The following RBFOX3 variants were observed in gnomAD, a reference collection of about 807,000 sequenced individuals.
The protein encoded by RBFOX3 is RNA binding fox-1 homolog 3.
A neutral mutation model predicts 48.7 loss-of-function variants in RBFOX3; 17 were observed. That is an observed-to-expected ratio of 0.35 (90% CI 0.24 to 0.52). The LOEUF is 0.52. Among genes scored for constraint, RBFOX3 ranks in the 20% least tolerant of loss-of-function variants. The probability of loss-of-function intolerance (pLI) is 0.94; values close to 1 mark genes in which losing one functional copy is unlikely to be tolerated. For missense variants in RBFOX3, 382 were observed against 497.5 expected (o/e 0.77, Z 2.21); for synonymous variants, 212 against 209.5 (o/e 1.01, Z -0.10).
intron 2 of RBFOX3, among the ~76,000 whole-genome samples, chr17:79,428,594 A>G (rs1598649060): frequency 2.0e-5 from 3 of 152,182 alleles, no homozygotes; most frequent in South Asian, 4.1e-4. Flanking sequence ...CTGCACCCAC[A>G]AAAAGCCTCC....
At position 79,102,262 on chromosome 17, in the gene RBFOX3, A is replaced by G. The variant is rs565065593; in HGVS notation, c.508-618T>C. ...CAGCCTGGGATGGAGAAGACGAGGCATGTGTGGGAGGGAGTCGAGAATAGC... is the reference window on the plus strand; with the variant it reads ...CAGCCTGGGATGGAGAAGACGAGGCGTGTGTGGGAGGGAGTCGAGAATAGC... On this transcript the variant is annotated intron_variant, in intron 8 of 14. Coordinates refer to ENST00000693108, the MANE Select transcript of RBFOX3 (RefSeq NM_001350451.2). Among the ~76,000 whole-genome samples, 3 of 152,296 alleles carry G rather than the reference A, an allele frequency of 2.0e-5. No homozygotes were observed. The South Asian group carries it at 6.2e-4, about 32-fold the overall frequency.
At chr17:79,379,942 A>T (rs1343495728) in intron 2 of RBFOX3, among the ~76,000 whole-genome samples, 1 of 151,700 alleles carries the variant, frequency 6.6e-6, no homozygotes, top group East Asian at 1.9e-4. Flanking sequence ...CCTCTCCCGC[A>T]CCCTCCTTGG....
At chr17:79,656,830 A>AAAG in the RBFOX3 span, among the ~76,000 whole-genome samples, 1 of 140,674 alleles carries the variant, frequency 7.1e-6, no homozygotes, top group African/African-American at 2.8e-5. Context: ...AGAAAGAAAG[A>AAAG]AAAGAAAGAA....
At chr17:79,386,732 C>T (rs954752291) in intron 2 of RBFOX3, among the ~76,000 whole-genome samples, 1 of 152,198 alleles carries the variant, frequency 6.6e-6, no homozygotes, top group Non-Finnish European at 1.5e-5. Flanking sequence ...CCAGCCCCTC[C>T]AGGCTACCCG....
chr17:79,446,603 GC>G (rs1476543850), intron 2 of RBFOX3, among the ~76,000 whole-genome samples: 1 of 152,204 alleles, frequency 6.6e-6, no homozygotes, highest in Non-Finnish European at 1.5e-5. Flanking sequence ...AGGAGTGACT[GC>G]CCATTTCCAC....
At position 79,364,256 on chromosome 17, in the gene RBFOX3, A is replaced by G. The variant is rs922742799; in HGVS notation, c.-174-56432T>C. Among the ~76,000 whole-genome samples, 1 of 152,234 alleles carries G rather than the reference A, an allele frequency of 6.6e-6. No homozygotes were observed. The highest frequency in any genetic ancestry group is 2.4e-5 in the African/African-American group (1 of 41,458). On this transcript the variant is annotated intron_variant, in intron 2 of 14. Coordinates refer to ENST00000693108, the MANE Select transcript of RBFOX3 (RefSeq NM_001350451.2). This position sits in a 1 kb window ranked among gnomAD's most constrained non-coding sequence, Gnocchi z 5.1. ...AAAGTGAGCAGAGATGGTAGCCATC[A>G]GTTGACAGGATCACCAAATCCCAAA...
At chr17:79,551,582 G>T (rs1252432920) in intron 1 of RBFOX3, among the ~76,000 whole-genome samples, 1 of 151,750 alleles carries the variant, frequency 6.6e-6, no homozygotes, top group Non-Finnish European at 1.5e-5. Context: ...AGATAGGTAG[G>T]TGGATCCCTC....
At chr17:79,313,319 C>T (rs948412762) in intron 2 of RBFOX3, among the ~76,000 whole-genome samples, 1 of 152,202 alleles carries the variant, frequency 6.6e-6, no homozygotes, top group Non-Finnish European at 1.5e-5. Context: ...GATGGATGTC[C>T]TCACAAACGT....
At chr17:79,351,986 G>A (rs1484345241) in intron 2 of RBFOX3, among the ~76,000 whole-genome samples, 1 of 152,160 alleles carries the variant, frequency 6.6e-6, no homozygotes, top group Non-Finnish European at 1.5e-5. Context: ...TTAGAGGCCT[G>A]TGAACCCCGG....
chr17:79,615,991 A>G (rs2093992390), upstream of RBFOX3, among the ~76,000 whole-genome samples: 5 of 152,198 alleles, frequency 3.3e-5, no homozygotes, highest in Non-Finnish European at 2.9e-5. Context: ...CCACTTTCAT[A>G]TTCAGCACTG....
intron 3 of RBFOX3, among the ~76,000 whole-genome samples, chr17:79,238,032 G>A (rs1282251806): frequency 2.0e-5 from 3 of 152,192 alleles, no homozygotes; most frequent in Admixed American, 2.0e-4. Flanking sequence ...TGCCTCTCAG[G>A]TTCAAGCGAT....
intron 4 of RBFOX3, among the ~76,000 whole-genome samples, chr17:79,125,640 G>C (rs183186254): frequency 2.0e-5 from 3 of 152,218 alleles, no homozygotes; most frequent in East Asian, 1.9e-4. Flanking sequence ...GCCTTCCCTC[G>C]GCACAGCCCT....
the RBFOX3 span, among the ~76,000 whole-genome samples, chr17:79,623,405 C>T: frequency 2.0e-5 from 3 of 152,164 alleles, no homozygotes; most frequent in East Asian, 1.9e-4. Flanking sequence ...TTAGGTTACA[C>T]AGCAAGGAGG....
At position 79,220,228 on chromosome 17, in the gene RBFOX3, C is replaced by CGGGGAGGA. The variant is rs1427427334; in HGVS notation, c.-34+15530_-34+15537dup. ...GAACCGCGGCTCCACAGCAGGCTCC[C>CGGGGAGGA]GGGGAGGAGGGGAGGAGACCCAATC... On this transcript the variant is annotated intron_variant, in intron 4 of 14. Coordinates refer to ENST00000693108, the MANE Select transcript of RBFOX3 (RefSeq NM_001350451.2). This position sits in a 1 kb window ranked among gnomAD's most constrained non-coding sequence, Gnocchi z 5.9. Among the ~76,000 whole-genome samples, 1 of 152,094 alleles carries CGGGGAGGA rather than the reference C, an allele frequency of 6.6e-6. No homozygotes were observed. The highest frequency in any genetic ancestry group is 1.5e-5 in the Non-Finnish European group (1 of 68,016).
chr17:79,526,527 C>T (rs1201698395), intron 1 of RBFOX3, among the ~76,000 whole-genome samples: 5 of 152,234 alleles, frequency 3.3e-5, no homozygotes, highest in Non-Finnish European at 5.9e-5. Context: ...CCCGGACGCA[C>T]TCTTGGACCA....
chr17:79,270,188 T>C (rs1563448), intron 3 of RBFOX3, among the ~76,000 whole-genome samples: 137,529 of 152,142 alleles, frequency 0.9, 62,616 homozygotes, highest in Middle Eastern at 0.99. Context: ...GAGCATTCCC[T>C]GCTCCCTTTT....
At chr17:79,543,531 G>A (rs1408718944) in intron 1 of RBFOX3, among the ~76,000 whole-genome samples, 4 of 152,090 alleles carry the variant, frequency 2.6e-5, no homozygotes, top group East Asian at 1.9e-4. Flanking sequence ...TCAGCTACTC[G>A]GCACAGAGCG....
intron 3 of RBFOX3, among the ~76,000 whole-genome samples, chr17:79,292,207 A>G (rs2144916159): frequency 6.6e-6 from 1 of 152,332 alleles, no homozygotes. Context: ...GACACTTCAC[A>G]GGACCTGAAG....
At chr17:79,300,967 C>T (rs773854875) in intron 3 of RBFOX3, among the ~76,000 whole-genome samples, 11 of 152,186 alleles carry the variant, frequency 7.2e-5, no homozygotes, top group Non-Finnish European at 1.3e-4. Context: ...CCAGGGCTGA[C>T]GCAGGGCCCT....
Sources: gnomAD v4.1 joint callset for allele counts (sites outside exome capture counted in the v4.1 genomes callset) on GRCh38, gnomAD v4.1.1 for gene constraint, Gnocchi (gnomAD v3.1) non-coding constraint, MANE v1.5 for transcripts, NCBI Gene and HGNC (gene_info 2026-07-23, HGNC 2026-07-21) for gene names.